The following CTNNA2 variants were observed in gnomAD, a reference collection of about 807,000 sequenced individuals.
CTNNA2 encodes the protein catenin alpha-2.
CTNNA2 carries 42 observed loss-of-function variants against 101.0 expected under a neutral mutation model. That is an observed-to-expected ratio of 0.42 (90% CI 0.32 to 0.54). The LOEUF is 0.54. CTNNA2 is among the 20% of genes least tolerant of loss of function. The probability of loss-of-function intolerance (pLI) is 0.14; values close to 1 mark genes in which losing one functional copy is unlikely to be tolerated. For synonymous variants in CTNNA2, 450 were observed against 456.4 expected (o/e 0.99, Z 0.18); for missense variants, 871 against 1,223.1 (o/e 0.71, Z 4.29).
intron 7 of CTNNA2, among the ~76,000 whole-genome samples, chr2:79,946,031 G>A (rs1390504931): frequency 6.6e-6 from 1 of 152,106 alleles, no homozygotes; most frequent in African/African-American, 2.4e-5. Context: ...ACATGAAAAG[G>A]TAAGAAAGAA....
intron 18 of CTNNA2, among the ~76,000 whole-genome samples, chr2:80,645,474 G>C (rs1050626802): frequency 6.6e-6 from 1 of 152,170 alleles, no homozygotes; most frequent in Admixed American, 6.6e-5. Context: ...AAACCATCAA[G>C]ACAGTCTTTA....
chr2:79,623,126 G>A (rs1679097063), intron 1 of CTNNA2, among the ~76,000 whole-genome samples: 1 of 152,142 alleles, frequency 6.6e-6, no homozygotes. Flanking sequence ...TAGTCTATCA[G>A]CATTTTTTGT....
At chr2:79,734,670 C>T (rs1670741505) in intron 2 of CTNNA2, among the ~76,000 whole-genome samples, 1 of 151,972 alleles carries the variant, frequency 6.6e-6, no homozygotes, top group African/African-American at 2.4e-5. Context: ...AAATAAGAGC[C>T]AGGATTGAGA....
At chr2:79,528,889 CT>C (rs1672573849) in intron 1 of CTNNA2, among the ~76,000 whole-genome samples, 1 of 152,030 alleles carries the variant, frequency 6.6e-6, no homozygotes, top group Admixed American at 6.6e-5. Context: ...GGTTTCTACC[CT>C]TAGGACATCT....
chr2:80,490,566 C>G (rs1449101177), intron 9 of CTNNA2, among the ~76,000 whole-genome samples: 2 of 151,978 alleles, frequency 1.3e-5, no homozygotes, highest in Non-Finnish European at 2.9e-5. Flanking sequence ...CAAAAACAGG[C>G]CTTGGGCCAG....
At position 80,544,765 on chromosome 2, in the gene CTNNA2, A is replaced by G. The variant is rs571901857; in HGVS notation, c.1291-217A>G. 3.3e-5 allele frequency among the ~76,000 whole-genome samples: 5 copies of G among 152,292 alleles called. No individual in the cohort carries two copies. The South Asian group carries it at 6.2e-4, about 19-fold the overall frequency. On this transcript the variant is annotated intron_variant, in intron 9 of 18. Transcript: ENST00000402739. ...ACCCTGTTAAAACACAACCTTGTAT[A>G]TGCTTGAGAGTCGTGAAATGCCTTT...
At position 80,553,036 on chromosome 2, in the gene CTNNA2, G is replaced by GT. The variant is rs1338935896; in HGVS notation, c.1541-2656dup. 2.0e-5 allele frequency among the ~76,000 whole-genome samples: 3 copies of GT among 148,988 alleles called. No individual in the cohort carries two copies. The Admixed American group carries it at 2.0e-4, about 10-fold the overall frequency. ...GTTCAAGAGCAGCTTGACCAACATGGTGAAACCCTGTCTTTACTAAAAAGA... is the reference window on the plus strand; with the variant it reads ...GTTCAAGAGCAGCTTGACCAACATGGTTGAAACCCTGTCTTTACTAAAAAGA... On this transcript the variant is annotated intron_variant, in intron 11 of 18. Transcript: ENST00000402739.
chr2:80,031,559 T>G (rs1293670322), intron 7 of CTNNA2, among the ~76,000 whole-genome samples: 2 of 152,216 alleles, frequency 1.3e-5, no homozygotes, highest in Non-Finnish European at 2.9e-5. Context: ...ATGATTCAGT[T>G]ACCTCCCAGT....
intron 9 of CTNNA2, among the ~76,000 whole-genome samples, chr2:80,508,101 C>T (rs190590733): frequency 6.3e-4 from 96 of 152,292 alleles, no homozygotes; most frequent in African/African-American, 2.2e-3. Context: ...TAGATGATAT[C>T]TAAGTTAACT....
chr2:80,530,217 G>A (rs1018511480), intron 9 of CTNNA2, among the ~76,000 whole-genome samples: 6 of 152,126 alleles, frequency 3.9e-5, no homozygotes, highest in East Asian at 3.9e-4. Flanking sequence ...CCCAGGTGAC[G>A]TGAAATAACC....
chr2:80,222,189 G>T (rs112914855), intron 7 of CTNNA2, among the ~76,000 whole-genome samples: 2,405 of 152,144 alleles, frequency 0.016, 60 homozygotes, highest in African/African-American at 0.054. Flanking sequence ...TCAGCCATAG[G>T]CCCCATCATC....
At chr2:80,535,198 T>C (rs1273388865) in intron 9 of CTNNA2, among the ~76,000 whole-genome samples, 1 of 152,186 alleles carries the variant, frequency 6.6e-6, no homozygotes, top group Non-Finnish European at 1.5e-5. Flanking sequence ...TATAAACTTT[T>C]AATGCATTAC....
At chr2:80,631,635 A>G (rs1349855283) in intron 18 of CTNNA2, among the ~76,000 whole-genome samples, 1 of 152,116 alleles carries the variant, frequency 6.6e-6, no homozygotes, top group African/African-American at 2.4e-5. Flanking sequence ...CAATTAGGCC[A>G]AGCCCTGGCA....
At chr2:79,461,917 G>A (rs2104536317) in intron 4 of CTNNA2, among the ~76,000 whole-genome samples, 3 of 152,066 alleles carry the variant, frequency 2.0e-5, no homozygotes, top group African/African-American at 7.2e-5. Context: ...ATAGAGCAAA[G>A]TCAGTAGCCA....
intron 8 of CTNNA2, among the ~76,000 whole-genome samples, chr2:80,406,685 G>T (rs1465080980): frequency 6.6e-6 from 1 of 151,774 alleles, no homozygotes; most frequent in Non-Finnish European, 1.5e-5. Flanking sequence ...AAATTAGCCG[G>T]GTGTGGTGGC....
At chr2:79,608,593 AGGTAGTTT>A (rs1678055442) in intron 1 of CTNNA2, among the ~76,000 whole-genome samples, 1 of 152,092 alleles carries the variant, frequency 6.6e-6, no homozygotes, top group African/African-American at 2.4e-5. Flanking sequence ...AGGAATGCAA[AGGTAGTTT>A]GCTATTTGGA....
intron 7 of CTNNA2, among the ~76,000 whole-genome samples, chr2:80,176,731 A>G (rs888800450): frequency 6.6e-6 from 1 of 152,098 alleles, no homozygotes; most frequent in Non-Finnish European, 1.5e-5. Flanking sequence ...CTTTACCTCC[A>G]CTGTGGAGTA....
intron 3 of CTNNA2, among the ~76,000 whole-genome samples, chr2:79,370,954 C>T (rs2104454579): frequency 6.6e-6 from 1 of 152,244 alleles, no homozygotes; most frequent in East Asian, 2.0e-4. Flanking sequence ...AGATGTCACA[C>T]TGGATGAATG....
chr2:80,619,042 C>G, intron 17 of CTNNA2, 43 bp from the exon 18 acceptor site: 261 of 1,018,688 alleles, frequency 2.6e-4, no homozygotes, highest in Middle Eastern at 3.3e-4. Context: ...TTTTCTTTTG[C>G]TCTCTCTCTC....
Sources: gnomAD v4.1 joint callset for allele counts (sites outside exome capture counted in the v4.1 genomes callset) on GRCh38, gnomAD v4.1.1 for gene constraint, MANE v1.5 for transcripts, NCBI Gene and HGNC (gene_info 2026-07-23, HGNC 2026-07-21) for gene names.